PDE1C: variants seen among roughly 807,000 people sequenced by gnomAD.
The protein encoded by PDE1C is dual specificity calcium/calmodulin-dependent 3',5'-cyclic nucleotide phosphodiesterase 1C.
A neutral mutation model predicts 93.1 loss-of-function variants in PDE1C; 62 were observed. The observed-to-expected ratio is 0.67, with a 90% CI of 0.54 to 0.82. PDE1C has a LOEUF of 0.82. Among genes scored for constraint, PDE1C ranks in the 40% least tolerant of loss-of-function variants. The pLI is 0.00. For synonymous variants in PDE1C, 325 were observed against 310.1 expected (o/e 1.05, Z -0.50); for missense variants, 742 against 884.6 (o/e 0.84, Z 2.04).
chr7:32,096,848 T>C (rs976560671), intron 3 of PDE1C, among the ~76,000 whole-genome samples: 1 of 151,322 alleles, frequency 6.6e-6, no homozygotes, highest in Non-Finnish European at 1.5e-5. Context: ...GATAGATAGA[T>C]AGATAGATAG....
intron 2 of PDE1C, among the ~76,000 whole-genome samples, chr7:31,931,124 C>T (rs778525265): frequency 5.3e-5 from 8 of 152,042 alleles, no homozygotes; most frequent in East Asian, 3.9e-4. Context: ...AAGCCATAGC[C>T]GATATCATAC....
At position 32,169,734 on chromosome 7, in the gene PDE1C, C is replaced by A. The variant is rs1382484868; in HGVS notation, c.308+51G>T. 1.2e-5 allele frequency: 19 copies of A among 1,538,412 alleles called. No individual in the cohort carries two copies. In the East Asian group the frequency reaches 4.1e-4, roughly 33 times the overall value. ...GACTATGCATCTAACTGGATTGAAA[C>A]AACTCCACAAGCAAATAAGAAGGAA... On this transcript the variant is annotated intron_variant, in intron 3 of 18. Coordinates refer to the PDE1C transcript ENST00000396193.
chr7:32,207,245 C>T (rs570326482), intron 2 of PDE1C, among the ~76,000 whole-genome samples: 1 of 152,088 alleles, frequency 6.6e-6, no homozygotes, highest in Admixed American at 6.5e-5. Flanking sequence ...GGCCACCCGC[C>T]CCCGCCAATC....
chr7:32,277,511 T>G (rs1355114514), intron 1 of PDE1C, among the ~76,000 whole-genome samples: 1 of 152,156 alleles, frequency 6.6e-6, no homozygotes, highest in Non-Finnish European at 1.5e-5. Context: ...TAGAAAAAGA[T>G]TTTTAAAAAT....
chr7:32,108,498 T>C (rs1032692601), intron 3 of PDE1C, among the ~76,000 whole-genome samples: 1 of 151,188 alleles, frequency 6.6e-6, no homozygotes, highest in African/African-American at 2.4e-5. Context: ...AGAAAATCCA[T>C]CCAGGACACA....
chr7:32,416,487 T>C (rs148479954), intron 1 of PDE1C, among the ~76,000 whole-genome samples: 5 of 152,360 alleles, frequency 3.3e-5, no homozygotes, highest in African/African-American at 9.6e-5. Flanking sequence ...GACATTTTGA[T>C]GGCCATTTCA....
intron 1 of PDE1C, among the ~76,000 whole-genome samples, chr7:32,411,416 T>C (rs562828724): frequency 6.6e-6 from 1 of 152,360 alleles, no homozygotes; most frequent in African/African-American, 2.4e-5. Flanking sequence ...CATGTTACAG[T>C]ACTAAATCCT....
chr7:32,205,928 A>G (rs905948064), intron 2 of PDE1C, among the ~76,000 whole-genome samples: 7 of 152,280 alleles, frequency 4.6e-5, no homozygotes, highest in African/African-American at 1.7e-4. Context: ...CTATGGACAC[A>G]CCATCTGTAA....
At chr7:31,946,580 C>T (rs369207091) in intron 2 of PDE1C, among the ~76,000 whole-genome samples, 5 of 152,314 alleles carry the variant, frequency 3.3e-5, no homozygotes. Context: ...AAAGGAAATG[C>T]TAAACCATCA....
At chr7:31,972,733 TA>T (rs1176431402) in intron 2 of PDE1C, among the ~76,000 whole-genome samples, 12 of 152,164 alleles carry the variant, frequency 7.9e-5, no homozygotes, top group African/African-American at 2.9e-4. Flanking sequence ...CACAGCAACC[TA>T]AAATCTCCTA....
chr7:32,275,401 T>C (rs1439472241), intron 1 of PDE1C, among the ~76,000 whole-genome samples: 1 of 152,200 alleles, frequency 6.6e-6, no homozygotes, highest in African/African-American at 2.4e-5. Flanking sequence ...CTGATGAGCT[T>C]GTAGGCACAT....
chr7:32,223,853 G>A (rs1447457363), intron 1 of PDE1C, among the ~76,000 whole-genome samples: 1 of 152,146 alleles, frequency 6.6e-6, no homozygotes, highest in African/African-American at 2.4e-5. Context: ...ACATTCCATA[G>A]GCTCCCGGCA....
intron 3 of PDE1C, chr7:32,077,926 C>T (rs986488350): frequency 5.1e-6 from 5 of 985,320 alleles, no homozygotes; most frequent in Middle Eastern, 5.2e-4. Context: ...TTCCCTCCGG[C>T]TGGTCTGCTC....
chr7:31,739,821 A>G, the PDE1C span, among the ~76,000 whole-genome samples: 2 of 152,206 alleles, frequency 1.3e-5, no homozygotes, highest in African/African-American at 2.4e-5. Flanking sequence ...AAGGAGAACC[A>G]ATTAGGCACC....
At chr7:31,650,182 A>G in the PDE1C span, among the ~76,000 whole-genome samples, 2 of 152,206 alleles carry the variant, frequency 1.3e-5, no homozygotes, top group Non-Finnish European at 2.9e-5. Flanking sequence ...TAAGAAATAC[A>G]TATTTACAAT....
At chr7:32,288,710 C>T (rs967503871) in intron 1 of PDE1C, among the ~76,000 whole-genome samples, 2 of 152,200 alleles carry the variant, frequency 1.3e-5, no homozygotes, top group Non-Finnish European at 2.9e-5. Flanking sequence ...GTGGACCTTT[C>T]TGAGAAACTG....
At chr7:32,234,420 G>A (rs1320299110) in intron 1 of PDE1C, among the ~76,000 whole-genome samples, 1 of 151,578 alleles carries the variant, frequency 6.6e-6, no homozygotes, top group African/African-American at 2.4e-5. Flanking sequence ...ACCAATATCA[G>A]GAAAAAAATA....
intron 1 of PDE1C, among the ~76,000 whole-genome samples, chr7:32,361,095 C>T (rs1381848812): frequency 6.6e-6 from 1 of 152,192 alleles, no homozygotes; most frequent in Non-Finnish European, 1.5e-5. Flanking sequence ...GTGTGAGACA[C>T]CATGCAGGGC....
intron 3 of PDE1C, among the ~76,000 whole-genome samples, chr7:32,126,977 T>G (rs368971154): frequency 6.6e-6 from 1 of 152,096 alleles, no homozygotes; most frequent in Non-Finnish European, 1.5e-5. Context: ...CTGGATAAGA[T>G]TAACATTTGA....
Sources: allele counts gnomAD v4.1 joint callset (sites outside exome capture counted in the v4.1 genomes callset), GRCh38; gene constraint gnomAD v4.1.1; transcripts MANE v1.5; gene names NCBI Gene and HGNC (gene_info 2026-07-23, HGNC 2026-07-21).